The following ITGB3BP variants were observed in gnomAD, a reference collection of about 807,000 sequenced individuals.
ITGB3BP encodes the protein centromere protein R.
Under a neutral mutation model 29.1 loss-of-function variants are expected in ITGB3BP, and 27 were observed. That is an observed-to-expected ratio of 0.93 (90% CI 0.68 to 1.28). The LOEUF (loss-of-function observed/expected upper bound fraction) is 1.28. Among genes scored for constraint, ITGB3BP ranks in the 50% most tolerant of loss-of-function variants. The pLI, the probability that ITGB3BP is intolerant of heterozygous loss-of-function variation, is 0.00. For missense variants in ITGB3BP, 192 were observed against 200.2 expected (o/e 0.96, Z 0.25); for synonymous variants, 61 against 61.4 (o/e 0.99, Z 0.03).
intron 8 of ITGB3BP, among the ~76,000 whole-genome samples, chr1:63,443,676 A>C (rs990496093): frequency 2.0e-5 from 3 of 152,172 alleles, no homozygotes; most frequent in African/African-American, 7.2e-5. Flanking sequence ...AATAGGGACA[A>C]TGATAATCTG....
intron 4 of ITGB3BP, among the ~76,000 whole-genome samples, chr1:63,473,243 C>T (rs1382378792): frequency 6.0e-5 from 9 of 150,788 alleles, no homozygotes; most frequent in Admixed American, 2.6e-4. Flanking sequence ...GCCTGGCAAC[C>T]GCCCCGTCTG....
intron 3 of ITGB3BP, among the ~76,000 whole-genome samples, chr1:63,482,269 T>TAAA (rs1415005227): frequency 3.9e-4 from 1 of 2,576 alleles, no homozygotes; most frequent in Non-Finnish European, 2.8e-3. Context: ...TGACTCCATC[T>TAAA]CAAAAAAAAA....
At chr1:63,514,904 CCACTG>C (rs914907167) in intron 1 of ITGB3BP, among the ~76,000 whole-genome samples, 1 of 145,936 alleles carries the variant, frequency 6.9e-6, no homozygotes, top group African/African-American at 2.5e-5. Context: ...CAAGATCGTG[CCACTG>C]CACTCCAGCC....
At chr1:63,518,275 A>C (rs1646378683) in intron 1 of ITGB3BP, among the ~76,000 whole-genome samples, 1 of 152,190 alleles carries the variant, frequency 6.6e-6, no homozygotes, top group Non-Finnish European at 1.5e-5. Flanking sequence ...TTGTGGGAAG[A>C]TTCTTAGTAA....
chr1:63,516,401 AAAC>A (rs1263284221), intron 1 of ITGB3BP, among the ~76,000 whole-genome samples: 7 of 151,644 alleles, frequency 4.6e-5, no homozygotes, highest in African/African-American at 7.3e-5. Flanking sequence ...AAAAGAAAGA[AAAC>A]AAGAGAAAAA....
At chr1:63,514,060 C>A (rs1646258251) in intron 1 of ITGB3BP, among the ~76,000 whole-genome samples, 1 of 152,290 alleles carries the variant, frequency 6.6e-6, no homozygotes, top group African/African-American at 2.4e-5. Flanking sequence ...CTATACCATA[C>A]ACAACTACTT....
chr1:63,463,297 G>A (rs755367209), intron 4 of ITGB3BP, among the ~76,000 whole-genome samples: 10 of 145,418 alleles, frequency 6.9e-5, no homozygotes, highest in East Asian at 6.1e-4. Flanking sequence ...TGGGATCCTC[G>A]CGGTGATGGA....
At chr1:63,527,156 A>G (rs1646607681), upstream of ITGB3BP, among the ~76,000 whole-genome samples, 1 of 152,184 alleles carries the variant, frequency 6.6e-6, no homozygotes, top group Non-Finnish European at 1.5e-5. Context: ...AAGAGAAGGA[A>G]TCTGCTAAGT....
chr1:63,443,435 G>A (rs530943616), intron 8 of ITGB3BP, among the ~76,000 whole-genome samples: 74 of 152,258 alleles, frequency 4.9e-4, no homozygotes, highest in African/African-American at 1.7e-3. Flanking sequence ...ACATGAGAAA[G>A]GCACTTTCTG....
chr1:63,477,720 A>G (rs959200527), intron 4 of ITGB3BP, among the ~76,000 whole-genome samples: 20 of 137,352 alleles, frequency 1.5e-4, no homozygotes, highest in East Asian at 6.0e-4. Context: ...ACAATCAGGG[A>G]AAAAAAAAAA....
At position 63,493,070 on chromosome 1, in the gene ITGB3BP, C is replaced by CCACACACACA. The variant is rs10643042; in HGVS notation, c.49-2862_49-2853dup. Reference sequence around the variant, plus strand: ...AGGCTGTAGTGAGCTGTGGATCACACCACACACACACACACACACGCGCGC... The same window carrying CCACACACACA: ...AGGCTGTAGTGAGCTGTGGATCACACCACACACACACACACACACACACACACACGCGCGC... On this transcript the variant is annotated intron_variant, in intron 2 of 8. Transcript: ENST00000271002. Among the ~76,000 whole-genome samples the CCACACACACA allele has an allele frequency of 6.7e-3, 991 of 146,854 alleles. 6 individuals carry two copies. Among genetic ancestry groups the CCACACACACA allele is most frequent in the Non-Finnish European group, 9.2e-3 (616 of 66,860 alleles).
chr1:63,493,070 C>CCACACACACACA (rs10643042), intron 2 of ITGB3BP, among the ~76,000 whole-genome samples: 80 of 146,874 alleles, frequency 5.4e-4, no homozygotes, highest in African/African-American at 1.6e-3. Context: ...GTGGATCACA[C>CCACACACACACA]CACACACACA....
chr1:63,445,421 C>A (rs537648586), intron 8 of ITGB3BP, among the ~76,000 whole-genome samples: 18 of 152,220 alleles, frequency 1.2e-4, no homozygotes, highest in African/African-American at 4.1e-4. Flanking sequence ...AAAACGGACA[C>A]AATTTTCTAT....
intron 7 of ITGB3BP, among the ~76,000 whole-genome samples, chr1:63,453,430 A>G (rs1644889042): frequency 6.6e-6 from 1 of 152,192 alleles, no homozygotes; most frequent in African/African-American, 2.4e-5. Context: ...TGTACTTCCT[A>G]TGGAAACCTA....
intron 4 of ITGB3BP, among the ~76,000 whole-genome samples, chr1:63,463,042 T>A (rs1328020631): frequency 1.3e-5 from 2 of 151,720 alleles, no homozygotes; most frequent in African/African-American, 2.4e-5. Context: ...TCACCTGAGG[T>A]CAGGAGTTCA....
intron 1 of ITGB3BP, among the ~76,000 whole-genome samples, chr1:63,513,305 T>C (rs1646241564): frequency 6.6e-6 from 1 of 152,196 alleles, no homozygotes; most frequent in African/African-American, 2.4e-5. Context: ...TGTTAGCCAA[T>C]GGATTTTAAG....
chr1:63,480,332 G>A (rs1381328379), intron 3 of ITGB3BP, among the ~76,000 whole-genome samples: 1 of 152,000 alleles, frequency 6.6e-6, no homozygotes, highest in Non-Finnish European at 1.5e-5. Flanking sequence ...ACTGTTTTAT[G>A]AGCTATTTAG....
chr1:63,509,076 A>G (rs1319337356), intron 1 of ITGB3BP, among the ~76,000 whole-genome samples: 1 of 152,206 alleles, frequency 6.6e-6, no homozygotes, highest in East Asian at 1.9e-4. Flanking sequence ...CAACCAGACT[A>G]TGACTTAACT....
chr1:63,523,328 G>T, upstream of ITGB3BP: 1 of 690,776 alleles, frequency 1.4e-6, no homozygotes, highest in African/African-American at 1.8e-5. Context: ...GAGCGAGCGG[G>T]GAGTTCTAGG....
Sources: allele counts gnomAD v4.1 joint callset (sites outside exome capture counted in the v4.1 genomes callset), GRCh38; gene constraint gnomAD v4.1.1; transcripts MANE v1.5; gene names NCBI Gene and HGNC (gene_info 2026-07-23, HGNC 2026-07-21).